Variants in HORMAD2 observed in about 807,000 individuals in gnomAD.
HORMAD2 encodes HORMA domain-containing protein 2.
HORMAD2 carries 45 observed loss-of-function variants against 38.8 expected under a neutral mutation model. The ratio of observed to expected loss-of-function variants is 1.16; its 90% CI spans 0.91 to 1.49. The LOEUF is 1.49. Ranked by LOEUF, HORMAD2 falls within the 40% of genes most tolerant of loss-of-function variation. The probability of loss-of-function intolerance (pLI) is 0.00; values close to 1 mark genes in which losing one functional copy is unlikely to be tolerated. For missense variants in HORMAD2, 338 were observed against 367.0 expected (o/e 0.92, Z 0.65); for synonymous variants, 126 against 122.8 (o/e 1.03, Z -0.17).
At chr22:30,205,485 A>C in the HORMAD2 span, among the ~76,000 whole-genome samples, 1 of 152,148 alleles carries the variant, frequency 6.6e-6, no homozygotes, top group Non-Finnish European at 1.5e-5. Context: ...GCCCAAGGTC[A>C]CGTTGTGTCC....
At chr22:30,163,289 G>A (rs1601590777) in intron 10 of HORMAD2, among the ~76,000 whole-genome samples, 2 of 152,284 alleles carry the variant, frequency 1.3e-5, no homozygotes, top group African/African-American at 4.8e-5. Context: ...CTCTAGGATA[G>A]ACACCTAGGG....
chr22:30,093,791 C>T, intron 1 of HORMAD2, 125 bp from the exon 2 acceptor site: 1 of 524,378 alleles, frequency 1.9e-6, no homozygotes, highest in South Asian at 3.5e-5. Flanking sequence ...ACAGTTTATA[C>T]TTAACTGTCT....
chr22:30,102,709 T>C (rs1031473460), intron 3 of HORMAD2, among the ~76,000 whole-genome samples: 1 of 152,214 alleles, frequency 6.6e-6, no homozygotes, highest in African/African-American at 2.4e-5. Context: ...GATTACAGCT[T>C]CGACCTTCCA....
At chr22:30,087,980 T>G (rs2146059230) in intron 1 of HORMAD2, among the ~76,000 whole-genome samples, 1 of 151,530 alleles carries the variant, frequency 6.6e-6, no homozygotes, top group Admixed American at 6.6e-5. Flanking sequence ...TCTCTCTATA[T>G]ATATACATAT....
chr22:30,203,606 C>T, the HORMAD2 span, among the ~76,000 whole-genome samples: 4 of 152,134 alleles, frequency 2.6e-5, no homozygotes, highest in African/African-American at 4.8e-5. Flanking sequence ...TTCACCCTTC[C>T]GGCACATGCA....
intron 10 of HORMAD2, among the ~76,000 whole-genome samples, chr22:30,170,322 G>A (rs1191093031): frequency 2.0e-5 from 3 of 152,046 alleles, no homozygotes; most frequent in African/African-American, 2.4e-5. Context: ...GCCCTCTCCC[G>A]TGGTTCCCCA....
chr22:30,146,390 G>T (rs1924418642), intron 10 of HORMAD2, among the ~76,000 whole-genome samples: 1 of 152,160 alleles, frequency 6.6e-6, no homozygotes, highest in South Asian at 2.1e-4. Flanking sequence ...AGCTGCTTGG[G>T]AGGCTGAGGC....
intron 7 of HORMAD2, among the ~76,000 whole-genome samples, chr22:30,115,397 T>C (rs1182477784): frequency 6.6e-6 from 1 of 152,198 alleles, no homozygotes; most frequent in Non-Finnish European, 1.5e-5. Context: ...TGTGAGCCAC[T>C]GCACTTGGCC....
chr22:30,079,793 C>T (rs182707851), upstream of HORMAD2, among the ~76,000 whole-genome samples: 1 of 152,354 alleles, frequency 6.6e-6, no homozygotes, highest in East Asian at 1.9e-4. Flanking sequence ...GATTCTCGTG[C>T]CTCAGCTTCC....
chr22:30,127,199 CTTTTTTTTTTTT>C lies in HORMAD2; in HGVS notation c.819+5001_819+5012del, dbSNP rs757608874. 8.3e-3 allele frequency among the ~76,000 whole-genome samples: 662 copies of C among 79,822 alleles called. 4 individuals carry two copies. Among genetic ancestry groups the C allele is most frequent in the African/African-American group, 0.029 (594 of 20,564 alleles). The allele number at this position is 79,822 out of a possible 152,430, so 52.4% of individuals were successfully genotyped here. On this transcript the variant is annotated intron_variant, in intron 10 of 10. Coordinates refer to ENST00000336726, the MANE Select transcript of HORMAD2 (RefSeq NM_152510.4). ...ATGAGGTGTTTTATAAACAGAAGTT[CTTTTTTTTTTTT>C]TTTTTTTTTTTTTTTGAGACGGAGT...
chr22:30,186,178 A>T, the HORMAD2 span, among the ~76,000 whole-genome samples: 1 of 152,212 alleles, frequency 6.6e-6, no homozygotes, highest in African/African-American at 2.4e-5. Flanking sequence ...ACATTTAATC[A>T]TGAATAATTC....
At chr22:30,204,469 C>T in the HORMAD2 span, among the ~76,000 whole-genome samples, 8 of 152,194 alleles carry the variant, frequency 5.3e-5, no homozygotes, top group Non-Finnish European at 8.8e-5. Flanking sequence ...CTCTTTCAGG[C>T]GGCTGCCCTG....
At chr22:30,173,873 G>A (rs761863063) in intron 10 of HORMAD2, among the ~76,000 whole-genome samples, 2 of 152,142 alleles carry the variant, frequency 1.3e-5, no homozygotes, top group Non-Finnish European at 2.9e-5. Flanking sequence ...TGATTAAAAA[G>A]AGTCATTTAG....
chr22:30,083,840 C>T (rs5997566), intron 1 of HORMAD2, among the ~76,000 whole-genome samples: 55 of 152,196 alleles, frequency 3.6e-4, no homozygotes, highest in African/African-American at 1.3e-3. Context: ...TTTTTGCCTT[C>T]CTGAAGCAAG....
the HORMAD2 span, among the ~76,000 whole-genome samples, chr22:30,202,287 C>G: frequency 6.6e-6 from 1 of 151,940 alleles, no homozygotes; most frequent in Non-Finnish European, 1.5e-5. Flanking sequence ...TGGGTTGGCA[C>G]GTCGGTCAAA....
the HORMAD2 span, among the ~76,000 whole-genome samples, chr22:30,202,893 A>G: frequency 2.6e-5 from 4 of 152,270 alleles, no homozygotes; most frequent in African/African-American, 9.6e-5. Flanking sequence ...GCCGATGCCA[A>G]GGAAGTTAAT....
intron 1 of HORMAD2, among the ~76,000 whole-genome samples, chr22:30,086,200 C>T (rs914104869): frequency 6.6e-6 from 1 of 152,204 alleles, no homozygotes; most frequent in African/African-American, 2.4e-5. Context: ...CCTTCTCCTT[C>T]CCCTTCTGCC....
intron 1 of HORMAD2, among the ~76,000 whole-genome samples, chr22:30,091,563 C>T (rs1470966041): frequency 6.6e-6 from 1 of 151,920 alleles, no homozygotes; most frequent in East Asian, 1.9e-4. Context: ...GCCACCCCGG[C>T]CTATATTTTA....
the HORMAD2 span, among the ~76,000 whole-genome samples, chr22:30,193,035 C>G: frequency 3.9e-5 from 6 of 152,012 alleles, no homozygotes; most frequent in Non-Finnish European, 5.9e-5. Flanking sequence ...ATTGATATAT[C>G]AAAAAAGATC....
Sources: gnomAD v4.1 joint callset for allele counts (sites outside exome capture counted in the v4.1 genomes callset) on GRCh38, gnomAD v4.1.1 for gene constraint, MANE v1.5 for transcripts, NCBI Gene and HGNC (gene_info 2026-07-23, HGNC 2026-07-21) for gene names.